Variants in MDM2 observed in about 807,000 individuals in gnomAD.
The protein encoded by MDM2 is E3 ubiquitin-protein ligase Mdm2.
Under a neutral mutation model 64.3 loss-of-function variants are expected in MDM2, and 11 were observed. The observed-to-expected ratio is 0.17, with a 90% CI of 0.11 to 0.28. The LOEUF (loss-of-function observed/expected upper bound fraction) is 0.28. Ranked by LOEUF, MDM2 falls within the 10% of genes least tolerant of loss-of-function variation. The pLI is 1.00. For synonymous variants in MDM2, 194 were observed against 192.9 expected (o/e 1.01, Z -0.05); for missense variants, 388 against 577.1 (o/e 0.67, Z 3.36).
chr12:68,847,040 T>C (rs1884342173), downstream of MDM2: 1 of 150,580 alleles, frequency 6.6e-6, no homozygotes, highest in African/African-American at 2.5e-5. Flanking sequence ...GGCTGGAGTA[T>C]AGTGGCGCAA....
rs753138941 is a variant in MDM2 at position 68,839,404 on chromosome 12, A to G, written c.1049A>G (p.Lys350Arg). The G allele has an allele frequency of 5.0e-6, 8 of 1,613,808 alleles. No individual in the cohort carries two copies. The African/African-American group carries it at 9.3e-5, about 19-fold the overall frequency. The change falls in exon 11 of 11, where the codon AAA becomes AGA. Residue 350 changes from lysine to arginine, a missense_variant. Physicochemically the swap from Lys to Arg is conservative, Grantham distance 26. Around this residue, in one of 5 missense-constraint regions of MDM2, gnomAD observed 138 missense variants for 143.7 expected, o/e 0.96. Coordinates refer to ENST00000258149, the MANE Select transcript of MDM2 (RefSeq NM_002392.6). The stretch of plus-strand genomic sequence containing the variant: ...AAAGATAAAGGGGAAATCTCTGAGA[A>G]AGCCAAACTGGAAAACTCAACACAA... ...KGKDKGEISEKAKLENSTQAE... is the reference protein window; with the variant it reads ...KGKDKGEISERAKLENSTQAE...
In MDM2 at chr12:68,815,107, A is replaced by G. The variant is rs3730518; in HGVS notation, c.174+1479A>G. Among the ~76,000 whole-genome samples, 1,393 of 152,326 alleles carry G rather than the reference A, an allele frequency of 9.1e-3. 12 individuals carry two copies. The highest frequency in any genetic ancestry group is 0.024 in the South Asian group (114 of 4,828). ...GATGCCTGCTTAGCCAGTTAAATCCAAAGACAGTGTTTGTAGGAAAGGGCC... is the reference window on the plus strand; with the variant it reads ...GATGCCTGCTTAGCCAGTTAAATCCGAAGACAGTGTTTGTAGGAAAGGGCC... On this transcript the variant is annotated intron_variant, in intron 3 of 10. Transcript: ENST00000258149.
chr12:68,815,720 G>A (rs1442442031), intron 3 of MDM2: 1 of 333,130 alleles, frequency 3.0e-6, no homozygotes, highest in African/African-American at 2.2e-5. Flanking sequence ...TAGATTTACA[G>A]GTGTGAGCCA....
At chr12:68,849,780 T>G (rs1279180361), downstream of MDM2, 2 of 148,574 alleles carry the variant, frequency 1.3e-5, no homozygotes, top group Admixed American at 1.3e-4. Flanking sequence ...GCCTGGCAAA[T>G]TTTTGTATTT....
intron 4 of MDM2, among the ~76,000 whole-genome samples, chr12:68,819,337 CCTGTTAGGATATAAA>C (rs1565736069): frequency 6.6e-6 from 1 of 152,246 alleles, no homozygotes; most frequent in East Asian, 1.9e-4. Context: ...GAATTATCCT[CCTGTTAGGATATAAA>C]CTTCATGAGG....
rs1884013698 is a variant in MDM2 at position 68,843,725 on chromosome 12, C to T, written c.*3876C>T. On this transcript the variant is annotated 3_prime_UTR_variant, in exon 11 of 11. Coordinates refer to ENST00000258149, the MANE Select transcript of MDM2 (RefSeq NM_002392.6). Reference sequence around the variant, plus strand: ...TCTCTCTCTCTCTCTCTGTCTGTCTCAATAAATGGCCAAAGGGATTAGTAG... The same window carrying T: ...TCTCTCTCTCTCTCTCTGTCTGTCTTAATAAATGGCCAAAGGGATTAGTAG... 1.3e-5 allele frequency: 3 copies of T among 223,698 alleles called. No homozygotes were observed. In the East Asian group the frequency reaches 1.9e-4, roughly 14 times the overall value. The allele number at this position is 223,698 out of a possible 1,614,324, so 13.9% of individuals were successfully genotyped here.
intron 3 of MDM2, among the ~76,000 whole-genome samples, chr12:68,815,397 A>AGG (rs1881266668): frequency 6.9e-6 from 1 of 144,760 alleles, no homozygotes; most frequent in East Asian, 2.1e-4. Flanking sequence ...AGAGCGTTGG[A>AGG]TTAAGAGTCA....
chr12:68,835,028 A>T (rs560024998), intron 8 of MDM2, among the ~76,000 whole-genome samples: 6 of 152,204 alleles, frequency 3.9e-5, no homozygotes, highest in South Asian at 2.1e-4. Context: ...ATTAAAAAAC[A>T]TAAGTATCTA....
intron 4 of MDM2, among the ~76,000 whole-genome samples, chr12:68,819,891 A>G (rs903429179): frequency 7.9e-5 from 12 of 152,220 alleles, no homozygotes; most frequent in East Asian, 1.9e-4. Context: ...GCGTAACTCA[A>G]TAGTTTTTTT....
At chr12:68,821,644 G>C (rs574301581) in intron 5 of MDM2, among the ~76,000 whole-genome samples, 1 of 152,226 alleles carries the variant, frequency 6.6e-6, no homozygotes, top group Non-Finnish European at 1.5e-5. Context: ...GATTTTTTGA[G>C]GCTGGGAGGT....
At position 68,824,384 on chromosome 12, in the gene MDM2, C is replaced by A. The variant is rs1882126825; in HGVS notation, c.380C>A (p.Ser127Tyr). ...TCAGAATCATCGGACTCAGGTACAT[C>A]TGTGAGTGAGAACAGGTGTCACCTT... ...NQQESSDSGT[S>Y]VSENRCHLEG... Residue 127 changes from serine (S) to tyrosine (Y), a missense_variant, in exon 6 of 11, where the codon TCT (serine) becomes TAT (tyrosine). Coordinates refer to ENST00000258149, the MANE Select transcript of MDM2 (RefSeq NM_002392.6). 1 of 1,598,730 alleles carries A rather than the reference C, an allele frequency of 6.3e-7. No homozygotes were observed. Among genetic ancestry groups the A allele is most frequent in the Admixed American group, 1.7e-5 (1 of 59,428 alleles).
At chr12:68,814,719 C>G (rs144453194) in intron 3 of MDM2, 1 of 211,496 alleles carries the variant, frequency 4.7e-6, no homozygotes, top group Non-Finnish European at 1.0e-5. Flanking sequence ...TATATTCTAT[C>G]TAATGGTTCC....
At chr12:68,837,192 G>T (rs1292232141) in intron 10 of MDM2, among the ~76,000 whole-genome samples, 1 of 151,894 alleles carries the variant, frequency 6.6e-6, no homozygotes, top group Non-Finnish European at 1.5e-5. Context: ...GACCTCAAGT[G>T]ATCTGCCCAC....
At chr12:68,819,742 C>T (rs539860653) in intron 4 of MDM2, among the ~76,000 whole-genome samples, 5 of 152,188 alleles carry the variant, frequency 3.3e-5, no homozygotes, top group Non-Finnish European at 5.9e-5. Context: ...CTGCCGGACT[C>T]GGCCTTCCGA....
intron 8 of MDM2, among the ~76,000 whole-genome samples, chr12:68,833,125 CCAAAAAAAAAAA>C (rs1398719611): frequency 5.2e-5 from 1 of 19,398 alleles, no homozygotes; most frequent in African/African-American, 3.2e-4. Flanking sequence ...GACTCTGTCT[CCAAAAAAAAAAA>C]AAAAAAAAAA....
intron 4 of MDM2, among the ~76,000 whole-genome samples, chr12:68,819,704 T>G (rs1444496298): frequency 1.3e-5 from 2 of 152,228 alleles, no homozygotes; most frequent in African/African-American, 4.8e-5. Context: ...TTGGTCAGGC[T>G]GGTCTTGAGC....
chr12:68,848,612 GA>G (rs1884489445), downstream of MDM2: 1 of 152,170 alleles, frequency 6.6e-6, no homozygotes. Context: ...AGCCTTTTTA[GA>G]AAAAATTGCT....
intron 2 of MDM2, among the ~76,000 whole-genome samples, chr12:68,812,536 T>C (rs1435810163): frequency 6.6e-6 from 1 of 152,226 alleles, no homozygotes; most frequent in African/African-American, 2.4e-5. Context: ...CTCAAGACCA[T>C]TTGTAAAACC....
rs2279744 is a variant in MDM2 at position 68,808,800 on chromosome 12, T to G, written c.14+309T>G. 0.33 allele frequency: 208,916 copies of G among 629,096 alleles called. 37,754 individuals carry two copies. Among genetic ancestry groups the G allele is most frequent in the South Asian group, 0.53 (7,382 of 13,894 alleles). 39.0% of individuals were successfully genotyped at this position (629,096 alleles called of 1,614,324 possible). On this transcript the variant is annotated intron_variant, in intron 1 of 10. Transcript: ENST00000258149. ...GGGGGCCGGGGGCTGCGGGGCCGCT[T>G]CGGCGCGGGAGGTCCGGATGATCGC...
Sources: gnomAD v4.1 joint callset for allele counts (sites outside exome capture counted in the v4.1 genomes callset) on GRCh38, gnomAD v4.1.1 for gene constraint, gnomAD v4.1.1 regional missense constraint, MANE v1.5 for transcripts, NCBI Gene and HGNC (gene_info 2026-07-23, HGNC 2026-07-21) for gene names.